The following MAP3K7CL variants were observed in gnomAD, a reference collection of about 807,000 sequenced individuals.
MAP3K7CL encodes the protein MAP3K7 C-terminal-like protein.
A neutral mutation model predicts 18.6 loss-of-function variants in MAP3K7CL; 16 were observed. The ratio of observed to expected loss-of-function variants is 0.86; its 90% CI spans 0.58 to 1.31. The LOEUF is 1.31. MAP3K7CL is among the 50% of genes most tolerant of loss of function. The pLI, the probability that MAP3K7CL is intolerant of heterozygous loss-of-function variation, is 0.00. For synonymous variants in MAP3K7CL, 65 were observed against 66.8 expected (o/e 0.97, Z 0.13); for missense variants, 163 against 174.4 (o/e 0.93, Z 0.37).
chr21:29,100,700 CTTTTTTTTTTTTT>C (rs34749282), intron 4 of MAP3K7CL, among the ~76,000 whole-genome samples: 4 of 68,650 alleles, frequency 5.8e-5, no homozygotes, highest in African/African-American at 1.3e-4. Context: ...AAACAGCAAA[CTTTTTTTTTTTTT>C]TTTTTTTTTT....
upstream of MAP3K7CL, among the ~76,000 whole-genome samples, chr21:29,083,694 T>C (rs2085874728): frequency 6.6e-6 from 1 of 152,150 alleles, no homozygotes; most frequent in South Asian, 2.1e-4. Flanking sequence ...CATTTCTGTC[T>C]ACCACTCTTA....
intron 1 of MAP3K7CL, among the ~76,000 whole-genome samples, chr21:29,078,946 A>G (rs891688704): frequency 2.0e-5 from 3 of 152,224 alleles, no homozygotes; most frequent in East Asian, 1.9e-4. Context: ...CCGTTTATTC[A>G]TTACATAGAT....
chr21:29,169,895 A>G (rs900886233), intron 4 of MAP3K7CL, among the ~76,000 whole-genome samples: 1 of 152,242 alleles, frequency 6.6e-6, no homozygotes, highest in Admixed American at 6.5e-5. Context: ...CTCCAAAGTT[A>G]TGACCTTTTA....
At chr21:29,174,688 C>G in intron 4 of MAP3K7CL, 24 bp from the exon 5 acceptor site, 1 of 1,612,870 alleles carries the variant, frequency 6.2e-7, no homozygotes, top group South Asian at 1.1e-5. Context: ...GTGCTTCTTC[C>G]TGCCCTTTAC....
intron 3 of MAP3K7CL, among the ~76,000 whole-genome samples, chr21:29,092,024 C>A (rs2086038111): frequency 6.6e-6 from 1 of 152,150 alleles, no homozygotes; most frequent in African/African-American, 2.4e-5. Flanking sequence ...GCAAGCTGGG[C>A]CTGCATGACT....
At chr21:29,091,044 C>A (rs8127430) in intron 1 of MAP3K7CL, among the ~76,000 whole-genome samples, 45,216 of 151,950 alleles carry the variant, frequency 0.3, 6,955 homozygotes, top group African/African-American at 0.37. Flanking sequence ...GGTACCAAAT[C>A]TTTGAAATCT....
chr21:29,128,627 T>C (rs145180942), upstream of MAP3K7CL, among the ~76,000 whole-genome samples: 1 of 152,298 alleles, frequency 6.6e-6, no homozygotes, highest in Admixed American at 6.5e-5. Flanking sequence ...ACGGAGTGCA[T>C]CCTGGTGTAG....
chr21:29,164,648 A>G (rs1198753244), intron 4 of MAP3K7CL, among the ~76,000 whole-genome samples: 1 of 152,144 alleles, frequency 6.6e-6, no homozygotes, highest in Non-Finnish European at 1.5e-5. Flanking sequence ...AGAGTCAAAC[A>G]TTTTCTAGGA....
chr21:29,159,836 AAG>A, intron 3 of MAP3K7CL, 103 bp from the exon 4 acceptor site: 2 of 778,766 alleles, frequency 2.6e-6, no homozygotes, highest in Non-Finnish European at 4.3e-6. Flanking sequence ...AAAAAAAAAA[AAG>A]AAGAAGAAAA....
intron 3 of MAP3K7CL, chr21:29,091,825 G>A: frequency 4.4e-6 from 3 of 685,090 alleles, no homozygotes; most frequent in South Asian, 1.5e-5. Context: ...CATCTGCTGA[G>A]TGCTTCCTAT....
chr21:29,164,400 A>G (rs1029041498), intron 4 of MAP3K7CL, among the ~76,000 whole-genome samples: 2 of 152,228 alleles, frequency 1.3e-5, no homozygotes, highest in African/African-American at 4.8e-5. Flanking sequence ...TGTTGCCTCT[A>G]GCTTGGCTGG....
At chr21:29,090,183 G>T (rs954474883) in intron 1 of MAP3K7CL, among the ~76,000 whole-genome samples, 2 of 152,080 alleles carry the variant, frequency 1.3e-5, no homozygotes, top group Admixed American at 1.3e-4. Context: ...CCTGCAGAGG[G>T]TGCACTTTCC....
chr21:29,131,675 A>G (rs768886284), intron 1 of MAP3K7CL, among the ~76,000 whole-genome samples: 1 of 152,246 alleles, frequency 6.6e-6, no homozygotes, highest in Non-Finnish European at 1.5e-5. Context: ...TGCTAAATAA[A>G]TGGGCCAAAT....
rs200036098 is a variant in MAP3K7CL, at chr21:29,097,957, GA to G, written c.370+5382del. ...CTGTATAATTTGAAGGAATTATAGG[GA>G]AAAAATCTAGGTTGTATATTACCTA... On this transcript the variant is annotated intron_variant, in intron 4 of 6. Coordinates refer to the MAP3K7CL transcript ENST00000286791. 5.2e-3 allele frequency among the ~76,000 whole-genome samples: 791 copies of G among 152,076 alleles called. 7 individuals are homozygous for G. Among genetic ancestry groups the G allele is most frequent in the African/African-American group, 0.018 (753 of 41,484 alleles).
chr21:29,167,431 C>T (rs2087715968), intron 4 of MAP3K7CL, among the ~76,000 whole-genome samples: 1 of 152,018 alleles, frequency 6.6e-6, no homozygotes, highest in Non-Finnish European at 1.5e-5. Context: ...CAGGATGGGG[C>T]AAAAGGGTGC....
upstream of MAP3K7CL, chr21:29,085,762 G>A (rs997023669): frequency 3.4e-6 from 4 of 1,191,138 alleles, no homozygotes; most frequent in Non-Finnish European, 5.0e-6. Flanking sequence ...GTTGTTTGAA[G>A]GAATGTTGCG....
intron 4 of MAP3K7CL, among the ~76,000 whole-genome samples, chr21:29,167,868 T>G (rs2087729859): frequency 6.6e-6 from 1 of 151,856 alleles, no homozygotes; most frequent in African/African-American, 2.4e-5. Flanking sequence ...CCCAGCTAAT[T>G]TTTTGTATTT....
In MAP3K7CL at chr21:29,175,150, C is replaced by CT. The variant is rs1488374569; in HGVS notation, c.*264dup. On this transcript the variant is annotated 3_prime_UTR_variant, in exon 5 of 5. Transcript: ENST00000399928. ...CTTTTCCAAAGATATATGTTTTTTT[C>CT]TTTTTTAGGAAGATATGATCATGCT... 6.5e-6 allele frequency: 2 copies of CT among 309,980 alleles called. No homozygotes were observed. The highest frequency in any genetic ancestry group is 2.2e-5 in the African/African-American group (1 of 45,980). 19.2% of individuals were successfully genotyped at this position (309,980 alleles called of 1,614,324 possible). A position where few individuals can be genotyped will look rare whatever the true frequency, so the allele number is the denominator to read the frequency against.
chr21:29,078,300 G>T (rs1402678218), intron 1 of MAP3K7CL, among the ~76,000 whole-genome samples: 1 of 151,896 alleles, frequency 6.6e-6, no homozygotes, highest in East Asian at 1.9e-4. Context: ...GGATATTTTT[G>T]TTGTTGTTAA....
Sources: allele counts gnomAD v4.1 joint callset (sites outside exome capture counted in the v4.1 genomes callset), GRCh38; gene constraint gnomAD v4.1.1; transcripts MANE v1.5; gene names NCBI Gene and HGNC (gene_info 2026-07-23, HGNC 2026-07-21).